The following HOXC6 variants were observed in gnomAD, a reference collection of about 807,000 sequenced individuals.
HOXC6 encodes the protein homeobox protein Hox-C6.
A neutral mutation model predicts 24.0 loss-of-function variants in HOXC6; 10 were observed. The observed-to-expected ratio is 0.42, with a 90% CI of 0.26 to 0.71. The LOEUF (loss-of-function observed/expected upper bound fraction) is 0.71. HOXC6 is among the 30% of genes least tolerant of loss of function. The pLI is 0.28. For synonymous variants in HOXC6, 123 were observed against 128.1 expected (o/e 0.96, Z 0.27); for missense variants, 258 against 303.4 (o/e 0.85, Z 1.11).
chr12:54,027,558 CCT>C (rs926093829), upstream of HOXC6, among the ~76,000 whole-genome samples: 7 of 152,134 alleles, frequency 4.6e-5, no homozygotes, highest in Admixed American at 1.3e-4. Context: ...TTTCGTTCTT[CCT>C]CTCTCTCTCT....
chr12:54,019,911 A>G (rs1012895066), intron 1 of HOXC6: 2 of 151,678 alleles, frequency 1.3e-5, no homozygotes, highest in African/African-American at 4.9e-5. Flanking sequence ...CCATCCTTAC[A>G]AGACAGAGGC....
chr12:54,025,532 G>T (rs994457821), upstream of HOXC6, among the ~76,000 whole-genome samples: 1 of 46,944 alleles, frequency 2.1e-5, no homozygotes, highest in Non-Finnish European at 5.5e-5. Context: ...GTAATTGGGG[G>T]GGGGGGAGGT....
chr12:54,028,678 C>T lies in HOXC6; in HGVS notation c.157C>T (p.Pro53Ser), dbSNP rs1940842077. The T allele has an allele frequency of 6.2e-7, 1 of 1,614,150 alleles. No individual in the cohort carries two copies. Among genetic ancestry groups the T allele is most frequent in the African/African-American group, 1.3e-5 (1 of 75,024 alleles). Residue 53 changes from proline to serine, a missense_variant, in exon 1 of 2, where the codon CCC (proline) becomes TCC (serine). By Grantham distance (74) the Pro-to-Ser change is moderately conservative (BLOSUM62 -1). Transcript: ENST00000243108. ...TGCCCAGAACCGGATCTACTCGACT[C>T]CCTTTTATTCGCCACAGGAGAATGT... ...AVAQNRIYST[P>S]FYSPQENVVF...
chr12:54,018,979 A>G (rs1418545471), intron 1 of HOXC6, among the ~76,000 whole-genome samples: 1 of 152,064 alleles, frequency 6.6e-6, no homozygotes, highest in Non-Finnish European at 1.5e-5. Context: ...ACCTGTTTTT[A>G]TCAAATTTTT....
upstream of HOXC6, among the ~76,000 whole-genome samples, chr12:54,025,329 A>G (rs1940642825): frequency 6.6e-6 from 1 of 152,188 alleles, no homozygotes; most frequent in African/African-American, 2.4e-5. Context: ...TTCCCCCTAT[A>G]GACAGCCATT....
upstream of HOXC6, among the ~76,000 whole-genome samples, chr12:54,024,193 C>T (rs1486047626): frequency 6.6e-6 from 1 of 152,132 alleles, no homozygotes; most frequent in Non-Finnish European, 1.5e-5. Flanking sequence ...ACAAAAGGGG[C>T]CAGCGGGGCA....
chr12:54,029,468 G>A (rs977437609), intron 1 of HOXC6, among the ~76,000 whole-genome samples, 187 bp from the exon 2 acceptor site: 4 of 141,512 alleles, frequency 2.8e-5, no homozygotes, highest in Non-Finnish European at 4.5e-5. Context: ...CTTATAGGAG[G>A]TCTGAAGTTG....
upstream of HOXC6, among the ~76,000 whole-genome samples, chr12:54,026,880 C>A (rs987495044): frequency 1.3e-5 from 2 of 151,646 alleles, no homozygotes; most frequent in Admixed American, 1.3e-4. Flanking sequence ...CTTTGTTACA[C>A]AGAAGGAAAA....
upstream of HOXC6, among the ~76,000 whole-genome samples, chr12:54,025,307 T>C (rs964278074): frequency 1.3e-5 from 2 of 152,196 alleles, no homozygotes; most frequent in African/African-American, 4.8e-5. Context: ...TAGAAAAATC[T>C]AAGTCCCAGC....
At chr12:54,023,887 A>G (rs1306415649), upstream of HOXC6, among the ~76,000 whole-genome samples, 4 of 152,218 alleles carry the variant, frequency 2.6e-5, no homozygotes, top group Non-Finnish European at 4.4e-5. Context: ...CCCAAACAGC[A>G]TTCCCTGCAT....
rs1208271010 is a variant in HOXC6, at chr12:54,029,708, CA to C, written c.455del (p.Gln152ArgfsTer15). On this transcript the variant is annotated frameshift_variant, in exon 2 of 2. Transcript: ENST00000243108. LOFTEE classifies it high-confidence loss of function. Reference protein sequence around the residue: ...RRGRQIYSRYQTLELEKEFHF... With the variant: ...RRGRQIYSRYXTLELEKEFHF... ...CGGCCGCCAGATCTACTCGCGGTACCAGACCCTGGAACTGGAGAAGGAATTT... is the reference window on the plus strand; with the variant it reads ...CGGCCGCCAGATCTACTCGCGGTACCGACCCTGGAACTGGAGAAGGAATTT... 1 of 1,614,104 alleles carries C rather than the reference CA, an allele frequency of 6.2e-7. No homozygotes were observed. The highest frequency in any genetic ancestry group is 8.5e-7 in the Non-Finnish European group (1 of 1,180,054).
At chr12:54,027,167 G>T (rs1222058550), upstream of HOXC6, among the ~76,000 whole-genome samples, 1 of 152,188 alleles carries the variant, frequency 6.6e-6, no homozygotes, top group Non-Finnish European at 1.5e-5. Context: ...CTGCCTTTTC[G>T]TAACCGTCTC....
At chr12:54,017,842 C>G (rs1008156725) in intron 1 of HOXC6, among the ~76,000 whole-genome samples, 5 of 152,132 alleles carry the variant, frequency 3.3e-5, no homozygotes, top group African/African-American at 9.7e-5. Context: ...GCCCATTGCC[C>G]CCTAAGCAAA....
At chr12:54,026,504 C>T (rs1940704360), upstream of HOXC6, among the ~76,000 whole-genome samples, 1 of 152,182 alleles carries the variant, frequency 6.6e-6, no homozygotes, top group Admixed American at 6.5e-5. Context: ...ACCCTTTCCC[C>T]TTCATTTCCT....
In HOXC6 at chr12:54,029,677, G is replaced by C. The variant is rs756503013; in HGVS notation, c.423G>C (p.Arg141=). ...TAGGGGTCGGCTACGGAGCGGACCG[G>C]AGGCGCGGCCGCCAGATCTACTCGC... ...SHSGVGYGAD[R]RRGRQIYSRY... Residue 141 remains arginine (R), a synonymous_variant, in exon 2 of 2, where the codon CGG becomes CGC. Coordinates refer to ENST00000243108, the MANE Select transcript of HOXC6 (RefSeq NM_004503.4). 6 of 1,613,692 alleles carry C rather than the reference G, an allele frequency of 3.7e-6. No homozygotes were observed. In the South Asian group the frequency reaches 5.5e-5, roughly 15 times the overall value.
upstream of HOXC6, chr12:54,028,402 CTT>C (rs1389741855): frequency 1.7e-6 from 2 of 1,163,800 alleles, no homozygotes; most frequent in East Asian, 4.9e-5. Flanking sequence ...GGTCAGCTGA[CTT>C]TGTCATTTTG....
chr12:54,027,274 C>T (rs1345575108), upstream of HOXC6, among the ~76,000 whole-genome samples: 1 of 152,168 alleles, frequency 6.6e-6, no homozygotes, highest in Non-Finnish European at 1.5e-5. Context: ...TGGGTGAGAG[C>T]TCCTTAGAAC....
chr12:54,020,404 T>C (rs1278685215), intron 1 of HOXC6: 3 of 152,212 alleles, frequency 2.0e-5, no homozygotes, highest in Non-Finnish European at 4.4e-5. Flanking sequence ...GGTTCCTAGC[T>C]AAGGAGAATT....
chr12:54,019,572 G>A (rs1429052970), intron 1 of HOXC6, among the ~76,000 whole-genome samples: 1 of 152,166 alleles, frequency 6.6e-6, no homozygotes, highest in Non-Finnish European at 1.5e-5. Context: ...GCTGATGGGG[G>A]GGAACACAAG....
Sources: gnomAD v4.1 joint callset for allele counts (sites outside exome capture counted in the v4.1 genomes callset) on GRCh38, gnomAD v4.1.1 for gene constraint, MANE v1.5 for transcripts, NCBI Gene and HGNC (gene_info 2026-07-23, HGNC 2026-07-21) for gene names.